CPLANE1: variants seen among roughly 807,000 people sequenced by gnomAD.
The protein encoded by CPLANE1 is ciliogenesis and planar polarity effector complex subunit 1.
A neutral mutation model predicts 362.5 loss-of-function variants in CPLANE1; 263 were observed. The ratio of observed to expected loss-of-function variants is 0.73; its 90% confidence interval spans 0.66 to 0.80. The LOEUF (loss-of-function observed/expected upper bound fraction) is 0.80, where lower values mean the gene tolerates loss of function less well. CPLANE1 is among the 30% of genes least tolerant of loss of function. The pLI is 0.00. For missense variants in CPLANE1, 3,461 were observed against 3,793.4 expected, an observed-to-expected ratio of 0.91 and a Z score of 2.30; for synonymous variants, 1,212 against 1,302.6, an observed-to-expected ratio of 0.93 and a Z score of 1.50.
chr5:37,229,774 A>G (rs907401627), intron 9 of CPLANE1, among the ~76,000 whole-genome samples: 24 of 152,272 alleles, frequency 1.6e-4, no homozygotes, highest in African/African-American at 5.5e-4. Flanking sequence ...GTATTACCTT[A>G]CTTCATTCTC....
chr5:37,239,787 T>C lies in CPLANE1; in HGVS notation c.760A>G (p.Arg254Gly), dbSNP rs1799922061. Residue 254 changes from arginine (R) to glycine (G), a missense_variant, in exon 7 of 53, where the codon AGA (arginine) becomes GGA (glycine). Physicochemically the swap from Arg to Gly is moderately radical, Grantham distance 125. This residue lies in a region of CPLANE1 where 3,380 missense variants were observed against 3,666.1 expected (regional missense o/e 0.92). Coordinates refer to ENST00000651892, the MANE Select transcript of CPLANE1 (RefSeq NM_001384732.1). ...GAAAAGGCAGAAATTAGAGCTCCTC[T>C]TGACTTTACTGATTCACATTTAGGA... ...LIPKCESVKSRGALISAFSRD... is the reference protein window; with the variant it reads ...LIPKCESVKSGGALISAFSRD... 6.5e-7 allele frequency: 1 copy of C among 1,547,420 alleles called. No homozygotes were observed. The highest frequency in any genetic ancestry group is 1.4e-5 in the African/African-American group (1 of 73,112).
At chr5:37,180,345 CAA>C (rs1782344021) in intron 27 of CPLANE1, among the ~76,000 whole-genome samples, 162 bp from the exon 28 acceptor site, 1 of 150,790 alleles carries the variant, frequency 6.6e-6, no homozygotes, top group African/African-American at 2.4e-5. Flanking sequence ...AAGCAAAGAA[CAA>C]ACTTTGGTTT....
At chr5:37,238,819 GA>G in intron 8 of CPLANE1, 37 bp downstream of exon 8, 2 of 1,236,512 alleles carry the variant, frequency 1.6e-6, no homozygotes, top group South Asian at 1.5e-5. Flanking sequence ...TCTTTTAAAA[GA>G]AAAAAAGAAA....
At position 37,120,157 on chromosome 5, in the gene CPLANE1, T is replaced by G. The variant is rs1762230607; in HGVS notation, c.9310+59A>C. 3.9e-6 allele frequency: 6 copies of G among 1,538,188 alleles called. No homozygotes were observed. In the East Asian group the frequency reaches 9.2e-5, roughly 24 times the overall value. On this transcript the variant is annotated intron_variant, in intron 50 of 52. Transcript: ENST00000651892. Reference sequence around the variant, plus strand: ...CCTTTTACTAATGAAAACACAACTTTGGAGACAAGAAGGAATAGGTCCAAA... The same window carrying G: ...CCTTTTACTAATGAAAACACAACTTGGGAGACAAGAAGGAATAGGTCCAAA...
intron 46 of CPLANE1, among the ~76,000 whole-genome samples, chr5:37,132,638 C>T (rs564378478): frequency 6.6e-6 from 1 of 151,968 alleles, no homozygotes; most frequent in East Asian, 1.9e-4. Flanking sequence ...TGAGCCACCG[C>T]CCCCAGCCCA....
rs191724705 is a variant in CPLANE1, at chr5:37,106,888, A to T, written c.*714T>A. 1,612 of 985,166 alleles carry T rather than the reference A, an allele frequency of 1.6e-3. 1 individual carries two copies. Among genetic ancestry groups the T allele is most frequent in the Non-Finnish European group, 1.9e-3 (1,543 of 829,670 alleles). 61.0% of individuals were successfully genotyped at this position (985,166 alleles called of 1,614,324 possible). ...TCTCTTAAAACTATGACATTATTGG[A>T]GCACAATACCAAAAACTAATCAGGT... On this transcript the variant is annotated 3_prime_UTR_variant, in exon 53 of 53. Coordinates refer to ENST00000651892, the MANE Select transcript of CPLANE1 (RefSeq NM_001384732.1).
At chr5:37,155,692 A>C (rs1185536854) in intron 41 of CPLANE1, among the ~76,000 whole-genome samples, 1 of 152,182 alleles carries the variant, frequency 6.6e-6, no homozygotes, top group African/African-American at 2.4e-5. Context: ...AATTTTCTCA[A>C]ACTAAGCAAG....
Position 37,226,739 on chromosome 5 carries a change from A to G in CPLANE1, c.1856T>C (p.Leu619Pro). 1.9e-6 allele frequency: 3 copies of G among 1,544,344 alleles called. No individual in the cohort carries two copies. In the South Asian group the frequency reaches 3.6e-5, roughly 19 times the overall value. ...LQFIKCPFPK[L>P]DLVLSKSSRH... Reference sequence around the variant, plus strand: ...TGAGCTTTTGCTTAAAACAAGATCAAGTTTAGGAAAAGGACATTTTATAAA... The same window carrying G: ...TGAGCTTTTGCTTAAAACAAGATCAGGTTTAGGAAAAGGACATTTTATAAA... Residue 619 changes from leucine (L) to proline (P), a missense_variant, in exon 12 of 53, where the codon CTT becomes CCT. Physicochemically the swap from Leu to Pro is moderately conservative, Grantham distance 98. Transcript: ENST00000651892.
At chr5:37,081,252 T>G in the CPLANE1 span, among the ~76,000 whole-genome samples, 2 of 152,152 alleles carry the variant, frequency 1.3e-5, no homozygotes, top group Non-Finnish European at 2.9e-5. Context: ...CCCAAAGACT[T>G]TAAAGCAGCT....
At chr5:37,116,224 C>T (rs1418036588) in intron 50 of CPLANE1, among the ~76,000 whole-genome samples, 2 of 152,076 alleles carry the variant, frequency 1.3e-5, no homozygotes, top group Non-Finnish European at 2.9e-5. Context: ...GTGGCTCACA[C>T]CTGTAATCCC....
intron 46 of CPLANE1, among the ~76,000 whole-genome samples, chr5:37,132,552 T>C (rs1170387926): frequency 1.3e-5 from 2 of 152,132 alleles, no homozygotes; most frequent in Admixed American, 6.5e-5. Flanking sequence ...TTCACCATGT[T>C]AGCCAGGATG....
intron 32 of CPLANE1, among the ~76,000 whole-genome samples, chr5:37,172,257 G>C (rs1222034752): frequency 1.3e-5 from 2 of 152,120 alleles, no homozygotes; most frequent in African/African-American, 4.8e-5. Context: ...AAGTGTCCTA[G>C]AATATAGAAG....
chr5:37,168,875 G>C lies in CPLANE1; in HGVS notation c.7149C>G (p.Pro2383=). The C allele has an allele frequency of 2.5e-6, 4 of 1,614,058 alleles. No individual in the cohort carries two copies. The highest frequency in any genetic ancestry group is 3.4e-6 in the Non-Finnish European group (4 of 1,179,958). Residue 2383 remains proline, a synonymous_variant, in exon 34 of 53, where the codon CCC becomes CCG. Coordinates refer to ENST00000651892, the MANE Select transcript of CPLANE1 (RefSeq NM_001384732.1). The stretch of plus-strand genomic sequence containing the variant: ...CTGCTATAGGTTGGATAGGTGTTGA[G>C]GGAACTGTAATAGATGCTCTTGAGG... The part of the protein sequence containing the change: ...PSTSRASITV[P]STPIQPIAEE...
At chr5:37,146,707 G>C (rs1771722517) in intron 43 of CPLANE1, among the ~76,000 whole-genome samples, 1 of 151,992 alleles carries the variant, frequency 6.6e-6, no homozygotes. Context: ...TGGGTGTATA[G>C]GTAAAAAAGG....
Position 37,120,352 on chromosome 5 carries a change from A to T in CPLANE1, c.9186-12T>A. ...CATGTTGATTCTCTCTATAGTAGAA[A>T]TCACATAATTATTACATTCCCAGAA... On this transcript the variant is annotated splice_polypyrimidine_tract_variant and intron_variant, in intron 49 of 52. Coordinates refer to ENST00000651892, the MANE Select transcript of CPLANE1 (RefSeq NM_001384732.1). The T allele has an allele frequency of 6.5e-7, 1 of 1,548,694 alleles. No homozygotes were observed. The highest frequency in any genetic ancestry group is 8.7e-7 in the Non-Finnish European group (1 of 1,155,768).
chr5:37,224,243 ACT>A lies in CPLANE1; in HGVS notation c.2581+8_2581+9del, dbSNP rs1561655652. The A allele has an allele frequency of 3.3e-6, 5 of 1,529,366 alleles. No homozygotes were observed. The highest frequency in any genetic ancestry group is 4.4e-6 in the Non-Finnish European group (5 of 1,130,912). The allele number at this position is 1,529,366 out of a possible 1,614,324, so 94.7% of individuals were successfully genotyped here. On this transcript the variant is annotated splice_region_variant and intron_variant, in intron 14 of 52. Coordinates refer to ENST00000651892, the MANE Select transcript of CPLANE1 (RefSeq NM_001384732.1). ...AATATTATGGCACATATTTTTTAAC[ACT>A]CTCTTACCTTTCTCTTCGATTTCTT... is the stretch of plus-strand genomic sequence containing the variant.
intron 8 of CPLANE1, among the ~76,000 whole-genome samples, chr5:37,235,370 G>A (rs555391093): frequency 4.8e-4 from 73 of 152,042 alleles, no homozygotes; most frequent in African/African-American, 1.7e-3. Context: ...TAAACAAATG[G>A]AAAAGCATCT....
At chr5:37,207,465 T>C (rs1314702287) in intron 16 of CPLANE1, among the ~76,000 whole-genome samples, 2 of 152,242 alleles carry the variant, frequency 1.3e-5, no homozygotes, top group Non-Finnish European at 2.9e-5. Flanking sequence ...TTAAAATAAC[T>C]TGAATAATTA....
At chr5:37,093,500 A>G in the CPLANE1 span, among the ~76,000 whole-genome samples, 1 of 127,382 alleles carries the variant, frequency 7.9e-6, no homozygotes, top group Non-Finnish European at 1.7e-5. Context: ...ATCCCTTCAC[A>G]CTATAGATCT....
Sources: gnomAD v4.1 joint callset for allele counts (sites outside exome capture counted in the v4.1 genomes callset) on GRCh38, gnomAD v4.1.1 for gene constraint, gnomAD v4.1.1 regional missense constraint, MANE v1.5 for transcripts, NCBI Gene and HGNC (gene_info 2026-07-23, HGNC 2026-07-21) for gene names.